Variants in SNTG2 observed in about 807,000 individuals in gnomAD.
The protein encoded by SNTG2 is syntrophin gamma 2.
Under a neutral mutation model 70.9 loss-of-function variants are expected in SNTG2, and 74 were observed. The observed-to-expected ratio is 1.04, with a 90% CI of 0.86 to 1.27. The LOEUF is 1.27. SNTG2 is among the 50% of genes most tolerant of loss of function. The pLI is 0.00. For synonymous variants in SNTG2, 278 were observed against 273.8 expected (o/e 1.02, Z -0.15); for missense variants, 717 against 690.7 (o/e 1.04, Z -0.43).
intron 1 of SNTG2, among the ~76,000 whole-genome samples, chr2:975,486 G>T (rs1462269442): frequency 1.3e-5 from 2 of 152,248 alleles, no homozygotes; most frequent in Admixed American, 6.5e-5. Context: ...ATTTGCAGGA[G>T]AAAGTCTCTG....
intron 14 of SNTG2, among the ~76,000 whole-genome samples, chr2:1,296,453 C>G (rs1438507122): frequency 6.6e-6 from 1 of 152,238 alleles, no homozygotes; most frequent in Admixed American, 6.5e-5. Flanking sequence ...GGTGAGCACG[C>G]CGCTACCTGC....
At chr2:962,505 T>C (rs1389409997) in intron 1 of SNTG2, among the ~76,000 whole-genome samples, 1 of 152,226 alleles carries the variant, frequency 6.6e-6, no homozygotes, top group Non-Finnish European at 1.5e-5. Context: ...TGTATCCAGT[T>C]GCTGGAGTAG....
At chr2:1,298,559 G>A (rs891642989) in intron 14 of SNTG2, among the ~76,000 whole-genome samples, 2 of 152,160 alleles carry the variant, frequency 1.3e-5, no homozygotes, top group Non-Finnish European at 2.9e-5. Context: ...CCCCGGTCCT[G>A]GATGGTGCCC....
intron 6 of SNTG2, among the ~76,000 whole-genome samples, chr2:1,153,317 G>C (rs909914530): frequency 6.6e-6 from 1 of 152,142 alleles, no homozygotes; most frequent in African/African-American, 2.4e-5. Flanking sequence ...GTGCAGGTTA[G>C]TTACATATGT....
intron 1 of SNTG2, chr2:1,059,123 C>T (rs1422135981): frequency 6.6e-6 from 1 of 152,284 alleles, no homozygotes; most frequent in East Asian, 1.9e-4. Flanking sequence ...GCATTGCCCA[C>T]TGTCTTGCAG....
chr2:1,217,128 A>T (rs114881722), intron 9 of SNTG2, among the ~76,000 whole-genome samples: 2,354 of 148,850 alleles, frequency 0.016, 59 homozygotes, highest in African/African-American at 0.054. Flanking sequence ...TTCTTTTTTT[A>T]AAAAAAAAAG....
intron 8 of SNTG2, among the ~76,000 whole-genome samples, chr2:1,194,503 C>G (rs1672786654): frequency 8.2e-6 from 1 of 122,088 alleles, no homozygotes; most frequent in Non-Finnish European, 1.7e-5. Flanking sequence ...CTGTAGGTAC[C>G]ACGTTGGTTG....
chr2:1,335,634 A>C (rs376425265), intron 16 of SNTG2, among the ~76,000 whole-genome samples: 36 of 152,082 alleles, frequency 2.4e-4, no homozygotes, highest in African/African-American at 8.0e-4. Context: ...CTACGAGTGA[A>C]TTCCGTTTTC....
intron 15 of SNTG2, among the ~76,000 whole-genome samples, chr2:1,314,647 T>C (rs1024940661): frequency 4.6e-5 from 7 of 152,218 alleles, no homozygotes; most frequent in Admixed American, 2.6e-4. Context: ...ATACACATGC[T>C]TCACTTCTGG....
At chr2:1,119,800 G>C (rs1197191675) in intron 4 of SNTG2, among the ~76,000 whole-genome samples, 1 of 151,878 alleles carries the variant, frequency 6.6e-6, no homozygotes, top group Non-Finnish European at 1.5e-5. Context: ...TAAGAGAATG[G>C]CATTGCTCAT....
chr2:1,058,973 C>A (rs1383645350), intron 1 of SNTG2, among the ~76,000 whole-genome samples: 1 of 152,234 alleles, frequency 6.6e-6, no homozygotes, highest in Non-Finnish European at 1.5e-5. Context: ...CATGGGACCA[C>A]CCCTGGGCTC....
chr2:994,571 A>C (rs1421259093), intron 1 of SNTG2, among the ~76,000 whole-genome samples: 2 of 152,098 alleles, frequency 1.3e-5, no homozygotes, highest in East Asian at 3.8e-4. Flanking sequence ...CTGCAAATAA[A>C]TCAGCTGGGA....
At chr2:1,365,977 C>T (rs1661459280) in intron 16 of SNTG2, among the ~76,000 whole-genome samples, 1 of 152,114 alleles carries the variant, frequency 6.6e-6, no homozygotes, top group African/African-American at 2.4e-5. Flanking sequence ...CCTCATTCTG[C>T]CATGGAATGA....
At chr2:1,031,281 G>A (rs765715960) in intron 1 of SNTG2, among the ~76,000 whole-genome samples, 8 of 151,906 alleles carry the variant, frequency 5.3e-5, no homozygotes, top group African/African-American at 1.2e-4. Flanking sequence ...CAGGTCTGTC[G>A]CTGGTCTGTG....
At chr2:998,270 C>T (rs73908643) in intron 1 of SNTG2, among the ~76,000 whole-genome samples, 1 of 151,952 alleles carries the variant, frequency 6.6e-6, no homozygotes, top group Non-Finnish European at 1.5e-5. Context: ...CCAAATATCA[C>T]ACTAATTCTC....
At chr2:1,240,609 C>T (rs1022220125) in intron 11 of SNTG2, among the ~76,000 whole-genome samples, 4 of 152,202 alleles carry the variant, frequency 2.6e-5, no homozygotes, top group African/African-American at 9.6e-5. Context: ...TTAAATAGCG[C>T]ACAAAAGACT....
intron 6 of SNTG2, among the ~76,000 whole-genome samples, chr2:1,155,169 AC>A (rs139002182): frequency 3.6e-3 from 21 of 5,776 alleles, no homozygotes; most frequent in South Asian, 7.5e-3. Flanking sequence ...ACACACGTAG[AC>A]CCCCCCCCCA....
intron 4 of SNTG2, among the ~76,000 whole-genome samples, chr2:1,124,063 G>A (rs1012983655): frequency 9.9e-5 from 15 of 152,258 alleles, no homozygotes; most frequent in African/African-American, 3.1e-4. Flanking sequence ...GCACAGTGTG[G>A]CAAAGATAGC....
At position 1,173,362 on chromosome 2, in the gene SNTG2, T is replaced by C. The variant is rs150453252; in HGVS notation, c.591+179T>C. Among the ~76,000 whole-genome samples, 902 of 152,318 alleles carry C rather than the reference T, an allele frequency of 5.9e-3. 7 individuals are homozygous for C. Among genetic ancestry groups the C allele is most frequent in the Middle Eastern group, 0.01 (3 of 294 alleles). On this transcript the variant is annotated intron_variant, in intron 8 of 16. Transcript: ENST00000308624. ...TGTTCTGTTGACATTTACTCCCACG[T>C]GGGACACATCCTGATTGCATTATAG...
Sources: allele counts gnomAD v4.1 joint callset (sites outside exome capture counted in the v4.1 genomes callset), GRCh38; gene constraint gnomAD v4.1.1; transcripts MANE v1.5; gene names NCBI Gene and HGNC (gene_info 2026-07-23, HGNC 2026-07-21).